KCTD18: variants seen among roughly 807,000 people sequenced by gnomAD.
KCTD18 encodes the protein potassium channel tetramerization domain containing 18.
KCTD18 carries 22 observed loss-of-function variants against 30.4 expected under a neutral mutation model. The observed-to-expected ratio is 0.72, with a 90% CI of 0.52 to 1.03. The LOEUF (loss-of-function observed/expected upper bound fraction) is 1.03, where lower values mean the gene tolerates loss of function less well. Among genes scored for constraint, KCTD18 ranks in the 50% least tolerant of loss-of-function variants. The pLI, the probability that KCTD18 is intolerant of heterozygous loss-of-function variation, is 0.00. For synonymous variants in KCTD18, 186 were observed against 209.0 expected, an observed-to-expected ratio of 0.89 and a Z score of 0.95; for missense variants, 529 against 547.6, an observed-to-expected ratio of 0.97 and a Z score of 0.34.
intron 6 of KCTD18, among the ~76,000 whole-genome samples, chr2:200,492,158 C>A (rs368100369): frequency 6.6e-6 from 1 of 152,230 alleles, no homozygotes; most frequent in Non-Finnish European, 1.5e-5. Context: ...AGACTCCACA[C>A]TGAGGTTTCT....
chr2:200,495,443 C>T (rs1231461368), intron 5 of KCTD18, among the ~76,000 whole-genome samples: 1 of 151,978 alleles, frequency 6.6e-6, no homozygotes, highest in Non-Finnish European at 1.5e-5. Flanking sequence ...TGTTTATGTC[C>T]TTAAGATAGA....
At chr2:200,491,881 A>G (rs2087923582) in intron 6 of KCTD18, among the ~76,000 whole-genome samples, 1 of 152,192 alleles carries the variant, frequency 6.6e-6, no homozygotes, top group South Asian at 2.1e-4. Context: ...TGGGATCATA[A>G]TAACGTGGTT....
chr2:200,490,759 C>A (rs2087903993), intron 6 of KCTD18, 143 bp from the exon 7 acceptor site: 1 of 761,658 alleles, frequency 1.3e-6, no homozygotes. Flanking sequence ...CCTACCTCAT[C>A]TCTCATCTCC....
intron 3 of KCTD18, among the ~76,000 whole-genome samples, chr2:200,501,275 A>G (rs1408843581): frequency 7.7e-6 from 1 of 130,226 alleles, no homozygotes; most frequent in Non-Finnish European, 1.7e-5. Context: ...AAAAGCCAAA[A>G]TTGACAAATG....
intron 3 of KCTD18, among the ~76,000 whole-genome samples, chr2:200,503,639 C>A (rs1343148066): frequency 6.6e-6 from 1 of 152,102 alleles, no homozygotes; most frequent in South Asian, 2.1e-4. Flanking sequence ...GACTATCGTT[C>A]GAAAATATAG....
rs760477928 is a variant in KCTD18 at position 200,497,861 on chromosome 2, A to T, written c.567-14T>A. 1 of 1,556,700 alleles carries T rather than the reference A, an allele frequency of 6.4e-7. No individual in the cohort carries two copies. Among genetic ancestry groups the T allele is most frequent in the East Asian group, 2.2e-5 (1 of 44,496 alleles). On this transcript the variant is annotated splice_polypyrimidine_tract_variant and intron_variant, in intron 4 of 6. Coordinates refer to ENST00000359878, the MANE Select transcript of KCTD18 (RefSeq NM_152387.4). The stretch of plus-strand genomic sequence containing the variant: ...TTTCCCGCCTCTCTAGAAATATTGC[A>T]AAGAGTAATGAAAATATACTACCTA...
rs761507613 is a variant in KCTD18, at chr2:200,490,116, T to C, written c.1265A>G (p.Lys422Arg). Residue 422 changes from lysine (K) to arginine (R), a missense_variant, in exon 7 of 7, where the codon AAG (lysine) becomes AGG (arginine). Lys to Arg is a conservative substitution (Grantham distance 26, BLOSUM62 2). Transcript: ENST00000359878. ...CCACTTTCATCAATTTCCCTTGTTC[T>C]TCCCGTTCTCAGTCCGCACTCCCAA... ...RALGVRTENG[K>R]NKGN 1.8e-5 allele frequency: 28 copies of C among 1,579,912 alleles called. No homozygotes were observed. The highest frequency in any genetic ancestry group is 3.5e-5 in the Admixed American group (2 of 57,106).
chr2:200,489,980 A>G lies in KCTD18; in HGVS notation c.*120T>C. On this transcript the variant is annotated 3_prime_UTR_variant, in exon 7 of 7. Transcript: ENST00000359878. ...TCCTAGCTCACACAATTCCAGGAAC[A>G]GAATCCTCAACATAAACCTAAGCTT... is the stretch of plus-strand genomic sequence containing the variant. The G allele has an allele frequency of 1.9e-6, 2 of 1,051,552 alleles. No homozygotes were observed. The highest frequency in any genetic ancestry group is 2.7e-6 in the Non-Finnish European group (2 of 754,200). The allele number at this position is 1,051,552 out of a possible 1,614,324, so 65.1% of individuals were successfully genotyped here.
At chr2:200,506,797 G>C (rs912638514) in intron 2 of KCTD18, 60 bp downstream of exon 2, 2 of 1,500,318 alleles carry the variant, frequency 1.3e-6, no homozygotes, top group Admixed American at 3.7e-5. Flanking sequence ...GAAAATCAAA[G>C]GGAACTTAAA....
chr2:200,500,000 C>G (rs1327106290), intron 3 of KCTD18, among the ~76,000 whole-genome samples: 10 of 151,990 alleles, frequency 6.6e-5, no homozygotes, highest in Admixed American at 4.6e-4. Context: ...AAATGTAATC[C>G]AGCATATAAA....
At chr2:200,501,792 T>C (rs1490711039) in intron 3 of KCTD18, among the ~76,000 whole-genome samples, 1 of 151,776 alleles carries the variant, frequency 6.6e-6, no homozygotes, top group East Asian at 1.9e-4. Context: ...ACTGGGTATA[T>C]ACCCAAAGGA....
At chr2:200,505,782 A>C (rs2030154308) in intron 2 of KCTD18, among the ~76,000 whole-genome samples, 1 of 152,096 alleles carries the variant, frequency 6.6e-6, no homozygotes, top group East Asian at 1.9e-4. Flanking sequence ...TACTACGAGA[A>C]CCCAAACTTT....
At chr2:200,509,551 C>G (rs1260360949) in intron 1 of KCTD18, 77 bp downstream of exon 1, 1 of 152,590 alleles carries the variant, frequency 6.6e-6, no homozygotes, top group Non-Finnish European at 1.5e-5. Context: ...TCAAAAGCAC[C>G]CAGTTAGGCT....
intron 3 of KCTD18, 23 bp downstream of exon 3, chr2:200,504,725 A>G: frequency 6.4e-7 from 1 of 1,563,332 alleles, no homozygotes; most frequent in Non-Finnish European, 8.8e-7. Context: ...TATATATTCA[A>G]AAACTTAAAA....
rs1286825805 is a variant in KCTD18 at position 200,504,887 on chromosome 2, A to C, written c.233T>G (p.Ile78Ser). ...LLDYLHGEVQIPTDEQTRIAL... is the reference protein window; with the variant it reads ...LLDYLHGEVQSPTDEQTRIAL... ...GATGCGGGTTTGCTCATCTGTGGGA[A>C]TCTGAACTTCTCCATGAAGGTAATC... Residue 78 changes from isoleucine (I) to serine (S), a missense_variant, in exon 3 of 7, where the codon ATT becomes AGT. Physicochemically the swap from Ile to Ser is moderately radical, Grantham distance 142 (BLOSUM62 -2). Transcript: ENST00000359878. 1.3e-5 allele frequency: 21 copies of C among 1,614,084 alleles called. No homozygotes were observed. Among genetic ancestry groups the C allele is most frequent in the Non-Finnish European group, 1.8e-5 (21 of 1,180,040 alleles).
At chr2:200,492,733 G>C (rs1290914919) in intron 6 of KCTD18, among the ~76,000 whole-genome samples, 1 of 152,134 alleles carries the variant, frequency 6.6e-6, no homozygotes, top group African/African-American at 2.4e-5. Flanking sequence ...ATGGAACACA[G>C]GAAAATACCA....
intron 3 of KCTD18, among the ~76,000 whole-genome samples, chr2:200,500,620 G>T (rs1391291759): frequency 4.1e-4 from 61 of 149,788 alleles, no homozygotes; most frequent in African/African-American, 8.8e-4. Flanking sequence ...CACTGCTCAA[G>T]GAAATAAAAG....
chr2:200,492,325 C>T (rs2087931631), intron 6 of KCTD18, among the ~76,000 whole-genome samples: 1 of 152,186 alleles, frequency 6.6e-6, no homozygotes, highest in Non-Finnish European at 1.5e-5. Context: ...TGTTGCCAAA[C>T]ATTGTCAAAT....
intron 5 of KCTD18, chr2:200,495,876 TTTTGTG>T (rs2087990837): frequency 6.6e-6 from 1 of 152,162 alleles, no homozygotes; most frequent in African/African-American, 2.4e-5. Context: ...TTTTGTTTTG[TTTTGTG>T]TTTAACATTT....
Sources: gnomAD v4.1 joint callset for allele counts (sites outside exome capture counted in the v4.1 genomes callset) on GRCh38, gnomAD v4.1.1 for gene constraint, MANE v1.5 for transcripts, NCBI Gene and HGNC (gene_info 2026-07-23, HGNC 2026-07-21) for gene names.